The following BAZ2B variants were observed in gnomAD, a reference collection of about 807,000 sequenced individuals.
BAZ2B encodes bromodomain adjacent to zinc finger domain protein 2B.
In BAZ2B, 91 loss-of-function variants were observed where a neutral mutation model predicts 246.0. That is an observed-to-expected ratio of 0.37 (90% CI 0.31 to 0.44). The LOEUF is 0.44. Among genes scored for constraint, BAZ2B ranks in the 20% least tolerant of loss-of-function variants. BAZ2B has a pLI of 1.00. For synonymous variants in BAZ2B, 855 were observed against 860.0 expected, an observed-to-expected ratio of 0.99 and a Z score of 0.10; for missense variants, 2,332 against 2,533.7, an observed-to-expected ratio of 0.92 and a Z score of 1.71.
At chr2:159,533,418 T>G (rs1443032415) in intron 2 of BAZ2B, among the ~76,000 whole-genome samples, 3 of 152,198 alleles carry the variant, frequency 2.0e-5, no homozygotes, top group Non-Finnish European at 4.4e-5. Flanking sequence ...ATAGATCAAG[T>G]CACTCTGAGG....
At chr2:159,446,162 ATCT>A (rs770705422) in intron 6 of BAZ2B, among the ~76,000 whole-genome samples, 1 of 152,068 alleles carries the variant, frequency 6.6e-6, no homozygotes, top group Non-Finnish European at 1.5e-5. Context: ...AAGAAGTAAC[ATCT>A]TCTTCCAGTG....
chr2:159,583,238 C>T lies in BAZ2B; in HGVS notation c.-45-27373G>A, dbSNP rs1687265028. Among the ~76,000 whole-genome samples the T allele has an allele frequency of 2.0e-5, 3 of 151,986 alleles. No homozygotes were observed. The South Asian group carries it at 6.2e-4, about 31-fold the overall frequency. The stretch of plus-strand genomic sequence containing the variant: ...CAAGTGATTCTTCTGCCTAAGCCTC[C>T]CAAGTAGCTGGGATTACAGGTGCCA... On this transcript the variant is annotated intron_variant, in intron 1 of 36. Coordinates refer to ENST00000392783, the MANE Select transcript of BAZ2B (RefSeq NM_013450.4).
At chr2:159,643,790 C>A in the BAZ2B span, among the ~76,000 whole-genome samples, 12 of 148,778 alleles carry the variant, frequency 8.1e-5, no homozygotes, top group Admixed American at 7.5e-4. Flanking sequence ...GCAGGAGAAT[C>A]GCTTGAACCC....
At chr2:159,377,834 GTGAAA>G (rs2061580468) in intron 25 of BAZ2B, among the ~76,000 whole-genome samples, 4 of 131,858 alleles carry the variant, frequency 3.0e-5, no homozygotes, top group African/African-American at 1.2e-4. Flanking sequence ...AAAAAAAGAA[GTGAAA>G]TACTACCTTA....
chr2:159,692,687 A>C, the BAZ2B span, among the ~76,000 whole-genome samples: 1 of 152,164 alleles, frequency 6.6e-6, no homozygotes, highest in Non-Finnish European at 1.5e-5. Flanking sequence ...CTGTCTCTTT[A>C]AAATAAAAAA....
rs117041971 is a variant in BAZ2B, at chr2:159,468,522, T to C, written c.145+10053A>G. Among the ~76,000 whole-genome samples the C allele has an allele frequency of 1.2e-3, 185 of 152,228 alleles. 2 individuals carry two copies. The East Asian group carries it at 0.03, about 25-fold the overall frequency. ...TTTTCTAACCACAGTAAAACTAAAA[T>C]GGATATCGATTTTAAAAACTAAATG... On this transcript the variant is annotated intron_variant, in intron 3 of 36. Transcript: ENST00000392783.
chr2:159,472,891 A>G (rs1030219446), intron 3 of BAZ2B, among the ~76,000 whole-genome samples: 13 of 152,092 alleles, frequency 8.5e-5, no homozygotes, highest in Admixed American at 7.9e-4. Context: ...ATTTGTCAGT[A>G]TTTTATTGAG....
At chr2:159,620,988 G>C (rs910767116), upstream of BAZ2B, among the ~76,000 whole-genome samples, 1 of 152,176 alleles carries the variant, frequency 6.6e-6, no homozygotes, top group South Asian at 2.1e-4. Context: ...TGGCATTGGA[G>C]ATTTACAGCC....
At chr2:159,706,758 T>A in the BAZ2B span, among the ~76,000 whole-genome samples, 1 of 152,250 alleles carries the variant, frequency 6.6e-6, no homozygotes, top group Non-Finnish European at 1.5e-5. Context: ...GTTAATTTTA[T>A]ACGACAGCTT....
chr2:159,336,235 TAA>T (rs2065648934), intron 33 of BAZ2B, among the ~76,000 whole-genome samples: 1 of 152,172 alleles, frequency 6.6e-6, no homozygotes, highest in Non-Finnish European at 1.5e-5. Flanking sequence ...TATGATAATA[TAA>T]AAGAGGCAAG....
intron 8 of BAZ2B, among the ~76,000 whole-genome samples, chr2:159,436,515 G>A (rs1187984810): frequency 2.6e-5 from 4 of 152,116 alleles, no homozygotes; most frequent in Admixed American, 6.6e-5. Flanking sequence ...TTGGGAGGCC[G>A]AGGCAGGCAG....
chr2:159,589,607 A>G (rs1035589075), intron 1 of BAZ2B, among the ~76,000 whole-genome samples: 4 of 152,242 alleles, frequency 2.6e-5, no homozygotes, highest in African/African-American at 4.8e-5. Context: ...ATAAGAATAT[A>G]AAGCATTCAC....
intron 1 of BAZ2B, among the ~76,000 whole-genome samples, chr2:159,573,499 C>T (rs1183946671): frequency 6.6e-6 from 1 of 152,128 alleles, no homozygotes; most frequent in African/African-American, 2.4e-5. Context: ...TCACACCATA[C>T]ACAAAAAGGA....
At chr2:159,613,248 C>T (rs1695075907) in intron 1 of BAZ2B, among the ~76,000 whole-genome samples, 1 of 151,996 alleles carries the variant, frequency 6.6e-6, no homozygotes, top group Admixed American at 6.5e-5. Flanking sequence ...ATTTCCAAGA[C>T]TGAAGAGTTT....
At chr2:159,649,820 T>C in the BAZ2B span, among the ~76,000 whole-genome samples, 1 of 152,334 alleles carries the variant, frequency 6.6e-6, no homozygotes, top group Non-Finnish European at 1.5e-5. Flanking sequence ...ATTACAAATA[T>C]ATTATGCTAT....
the BAZ2B span, among the ~76,000 whole-genome samples, chr2:159,659,448 G>C: frequency 6.6e-6 from 1 of 152,280 alleles, no homozygotes; most frequent in East Asian, 1.9e-4. Context: ...TGTGTGGAGA[G>C]CCCCTATACA....
chr2:159,399,001 A>C, intron 17 of BAZ2B, 107 bp from the exon 18 acceptor site: 1 of 918,260 alleles, frequency 1.1e-6, no homozygotes, highest in South Asian at 1.6e-5. Flanking sequence ...ACGAAACAGT[A>C]TGTAACACAT....
chr2:159,686,660 A>G, the BAZ2B span, among the ~76,000 whole-genome samples: 1 of 152,232 alleles, frequency 6.6e-6, no homozygotes, highest in Admixed American at 6.5e-5. Context: ...GAGTTTAAAA[A>G]GACATTAACC....
At chr2:159,578,903 C>T (rs1578572020) in intron 1 of BAZ2B, among the ~76,000 whole-genome samples, 1 of 152,052 alleles carries the variant, frequency 6.6e-6, no homozygotes, top group African/African-American at 2.4e-5. Context: ...CATACCACCA[C>T]CTCTGGGACA....
Sources: allele counts gnomAD v4.1 joint callset (sites outside exome capture counted in the v4.1 genomes callset), GRCh38; gene constraint gnomAD v4.1.1; transcripts MANE v1.5; gene names NCBI Gene and HGNC (gene_info 2026-07-23, HGNC 2026-07-21).